The following KLRD1 variants were observed in gnomAD, a reference collection of about 807,000 sequenced individuals.
The protein encoded by KLRD1 is killer cell lectin like receptor D1.
A neutral mutation model predicts 22.6 loss-of-function variants in KLRD1; 21 were observed. That is an observed-to-expected ratio of 0.93 (90% CI 0.66 to 1.34). KLRD1 has a LOEUF of 1.34. Among genes scored for constraint, KLRD1 ranks in the 40% most tolerant of loss-of-function variants. KLRD1 has a pLI of 0.00. For missense variants in KLRD1, 183 were observed against 208.6 expected (o/e 0.88, Z 0.76); for synonymous variants, 59 against 71.1 (o/e 0.83, Z 0.85).
chr12:10,288,493 T>G (rs1204051439), intron 1 of KLRD1, among the ~76,000 whole-genome samples: 4 of 152,146 alleles, frequency 2.6e-5, no homozygotes, highest in African/African-American at 7.2e-5. Flanking sequence ...CCGTTAGAGG[T>G]AGAGGTAGAC....
chr12:10,291,950 T>C (rs915396693), intron 1 of KLRD1, among the ~76,000 whole-genome samples: 1 of 152,206 alleles, frequency 6.6e-6, no homozygotes, highest in Non-Finnish European at 1.5e-5. Flanking sequence ...GCTTCATCCA[T>C]GTCCCTGCAA....
chr12:10,314,252 A>G (rs566674586), intron 5 of KLRD1, among the ~76,000 whole-genome samples: 153 of 152,278 alleles, frequency 1.0e-3, no homozygotes, highest in Non-Finnish European at 1.9e-3. Flanking sequence ...TTTATATACT[A>G]TAGACTCATT....
chr12:10,264,914 T>TA (rs201354804), intron 1 of KLRD1, among the ~76,000 whole-genome samples: 6 of 151,304 alleles, frequency 4.0e-5, no homozygotes, highest in Admixed American at 1.3e-4. Context: ...AAGTTCAACT[T>TA]AAAAAAAAAG....
chr12:10,247,090 G>A (rs1048427543), intron 1 of KLRD1, among the ~76,000 whole-genome samples: 21 of 151,700 alleles, frequency 1.4e-4, no homozygotes, highest in Admixed American at 1.1e-3. Flanking sequence ...GCACTGCCAC[G>A]CCTGGCTAAT....
upstream of KLRD1, among the ~76,000 whole-genome samples, chr12:10,301,322 T>C (rs1949864372): frequency 1.3e-5 from 2 of 152,294 alleles, no homozygotes; most frequent in South Asian, 4.1e-4. Flanking sequence ...GTTCTTTAGG[T>C]TCTGCATACC....
rs576856885 is a variant in KLRD1, at chr12:10,270,823, G to A, written c.-100-37155G>A. 9.5e-5 allele frequency among the ~76,000 whole-genome samples: 14 copies of A among 146,742 alleles called. No individual in the cohort carries two copies. In the South Asian group the frequency reaches 2.6e-3, roughly 27 times the overall value. ...TTTTGAGACAGAGTCTCGCTCTGTC[G>A]CCCAGGCTGGAGTGCAGTGGCGTGA... On this transcript the variant is annotated intron_variant, in intron 1 of 5. Coordinates refer to the KLRD1 transcript ENST00000544747.
chr12:10,308,005 C>G lies in KLRD1; in HGVS notation c.-73C>G. 1 of 1,378,502 alleles carries G rather than the reference C, an allele frequency of 7.3e-7. No homozygotes were observed. The highest frequency in any genetic ancestry group is 1.0e-6 in the Non-Finnish European group (1 of 971,450). 85.4% of individuals were successfully genotyped at this position (1,378,502 alleles called of 1,614,324 possible). On this transcript the variant is annotated 5_prime_UTR_variant, in exon 1 of 6. Transcript: ENST00000336164. The stretch of plus-strand genomic sequence containing the variant: ...TCTTTAATCTCCAGCTCAGCTTCAA[C>G]AATTCAACGCTGTTCTTTCTGAAAA...
rs552428075 is a variant in KLRD1 at position 10,316,567 on chromosome 12, A to G, written c.*1774A>G. 6.6e-6 allele frequency: 1 copy of G among 151,754 alleles called. No individual in the cohort carries two copies. The highest frequency in any genetic ancestry group is 2.4e-5 in the African/African-American group (1 of 41,248). 9.4% of individuals were successfully genotyped at this position (151,754 alleles called of 1,614,324 possible). ...CAGGTGCGAGCCATCATGCTCAGCT[A>G]ATTTTTTGTATCATTTGTAGAAATG... On this transcript the variant is annotated 3_prime_UTR_variant, in exon 6 of 6. Coordinates refer to ENST00000336164, the MANE Select transcript of KLRD1 (RefSeq NM_002262.5).
At chr12:10,248,878 G>A (rs968048791) in intron 1 of KLRD1, among the ~76,000 whole-genome samples, 1 of 151,978 alleles carries the variant, frequency 6.6e-6, no homozygotes, top group Admixed American at 6.6e-5. Flanking sequence ...GATTACAGGC[G>A]TGAGCCACCA....
intron 1 of KLRD1, among the ~76,000 whole-genome samples, chr12:10,297,253 T>G (rs1592070174): frequency 6.6e-6 from 1 of 152,324 alleles, no homozygotes; most frequent in African/African-American, 2.4e-5. Context: ...AGAGAAACGT[T>G]GAAATTAAAA....
At chr12:10,297,524 C>T (rs1470282940) in intron 1 of KLRD1, among the ~76,000 whole-genome samples, 2 of 151,972 alleles carry the variant, frequency 1.3e-5, no homozygotes, top group African/African-American at 4.8e-5. Flanking sequence ...ATTTTATATG[C>T]TTTCTTATTT....
At chr12:10,244,264 A>G (rs1324685679) in intron 1 of KLRD1, among the ~76,000 whole-genome samples, 1 of 152,136 alleles carries the variant, frequency 6.6e-6, no homozygotes, top group African/African-American at 2.4e-5. Context: ...AAGACAAGCA[A>G]ACGCCTAAAC....
intron 1 of KLRD1, among the ~76,000 whole-genome samples, chr12:10,264,208 C>G (rs957840866): frequency 6.6e-6 from 1 of 152,070 alleles, no homozygotes; most frequent in Non-Finnish European, 1.5e-5. Flanking sequence ...GGTTTCCCTT[C>G]TAATTGGTAA....
chr12:10,243,608 A>AG (rs1491486645), intron 1 of KLRD1, among the ~76,000 whole-genome samples: 9 of 45,260 alleles, frequency 2.0e-4, no homozygotes, highest in Admixed American at 3.4e-4. Flanking sequence ...GTGAGACTCC[A>AG]AAAAAAAAAA....
In KLRD1 at chr12:10,310,614, G is replaced by A. The variant is rs184596982; in HGVS notation, c.164-850G>A. Among the ~76,000 whole-genome samples the A allele has an allele frequency of 3.3e-5, 5 of 152,044 alleles. No individual in the cohort carries two copies. In the East Asian group the frequency reaches 5.8e-4, roughly 18 times the overall value. On this transcript the variant is annotated intron_variant, in intron 3 of 5. Coordinates refer to ENST00000336164, the MANE Select transcript of KLRD1 (RefSeq NM_002262.5). Reference sequence around the variant, plus strand: ...CAGAAGTTCAAGACAGGCCAACCCCGTCTGTACTAAAAATACAAAAATTAG... The same window carrying A: ...CAGAAGTTCAAGACAGGCCAACCCCATCTGTACTAAAAATACAAAAATTAG...
At chr12:10,277,915 T>C (rs1949606476) in intron 1 of KLRD1, among the ~76,000 whole-genome samples, 1 of 152,224 alleles carries the variant, frequency 6.6e-6, no homozygotes, top group African/African-American at 2.4e-5. Context: ...CTGTGATTCC[T>C]TTCAGGTTAA....
intron 1 of KLRD1, among the ~76,000 whole-genome samples, chr12:10,270,654 G>T (rs1426821388): frequency 1.3e-5 from 2 of 152,114 alleles, no homozygotes; most frequent in Non-Finnish European, 2.9e-5. Context: ...ATCCTGAGAA[G>T]ATATTAATAT....
At chr12:10,252,257 TTATGTTCTATAAATG>T (rs1312897990) in intron 1 of KLRD1, among the ~76,000 whole-genome samples, 1 of 152,134 alleles carries the variant, frequency 6.6e-6, no homozygotes, top group Non-Finnish European at 1.5e-5. Context: ...AGCAACATAT[TTATGTTCTATAAATG>T]TATGTTCTAT....
intron 1 of KLRD1, among the ~76,000 whole-genome samples, chr12:10,279,492 G>C (rs1949621322): frequency 6.6e-6 from 1 of 152,172 alleles, no homozygotes; most frequent in Admixed American, 6.6e-5. Context: ...TAAGCAGAAT[G>C]AGTTCAAGAT....
Sources: gnomAD v4.1 joint callset for allele counts (sites outside exome capture counted in the v4.1 genomes callset) on GRCh38, gnomAD v4.1.1 for gene constraint, MANE v1.5 for transcripts, NCBI Gene and HGNC (gene_info 2026-07-23, HGNC 2026-07-21) for gene names.